FILIP1L: variants seen among roughly 807,000 people sequenced by gnomAD.
The protein encoded by FILIP1L is filamin A-interacting protein 1-like.
FILIP1L carries 55 observed loss-of-function variants against 96.6 expected under a neutral mutation model. That is an observed-to-expected ratio of 0.57 (90% CI 0.46 to 0.71). FILIP1L has a LOEUF of 0.71. Ranked by LOEUF, FILIP1L falls within the 30% of genes least tolerant of loss-of-function variation. The pLI is 0.00. For missense variants in FILIP1L, 1,304 were observed against 1,321.2 expected (o/e 0.99, Z 0.20); for synonymous variants, 467 against 473.9 (o/e 0.99, Z 0.19).
intron 1 of FILIP1L, among the ~76,000 whole-genome samples, chr3:99,971,485 T>G (rs1708820890): frequency 6.6e-6 from 1 of 152,220 alleles, no homozygotes; most frequent in Non-Finnish European, 1.5e-5. Context: ...GAAATACTGG[T>G]ATGGGACTCA....
chr3:99,870,497 AGTT>A (rs1273076421), intron 4 of FILIP1L, among the ~76,000 whole-genome samples: 1 of 152,158 alleles, frequency 6.6e-6, no homozygotes, highest in Non-Finnish European at 1.5e-5. Context: ...CCATAATTGA[AGTT>A]GTTGTCCAAG....
chr3:99,916,861 A>C (rs542341334), intron 4 of FILIP1L, among the ~76,000 whole-genome samples: 5 of 152,208 alleles, frequency 3.3e-5, no homozygotes, highest in Non-Finnish European at 7.3e-5. Flanking sequence ...GGCTGGCCAA[A>C]GCTGTTTGGC....
intron 4 of FILIP1L, among the ~76,000 whole-genome samples, chr3:99,857,382 G>A (rs1944017406): frequency 6.6e-6 from 1 of 152,168 alleles, no homozygotes; most frequent in South Asian, 2.1e-4. Context: ...GTATGTGCTT[G>A]CTTGTTTGAG....
intron 1 of FILIP1L, among the ~76,000 whole-genome samples, chr3:100,101,818 T>C (rs1328604999): frequency 1.3e-5 from 2 of 152,052 alleles, no homozygotes; most frequent in Non-Finnish European, 2.9e-5. Context: ...CCCCTTCCTG[T>C]GTCCATGTGT....
Position 99,850,157 on chromosome 3 carries a change from T to A in FILIP1L, c.1519A>T (p.Met507Leu). Residue 507 changes from methionine to leucine, a missense_variant, in exon 5 of 6, where the codon ATG (methionine) becomes TTG (leucine). Physicochemically the swap from Met to Leu is conservative, Grantham distance 15. Coordinates refer to ENST00000477258, the MANE Select transcript of FILIP1L (RefSeq NM_001387850.1). ...TVMFVDERKTMSEKLKKTEDK... is the reference protein window; with the variant it reads ...TVMFVDERKTLSEKLKKTEDK... ...TCAGTTTTCTTTAATTTTTCACTCA[T>A]TGTTTTCCGTTCATCTACAAACATC... The A allele has an allele frequency of 1.2e-6, 2 of 1,611,106 alleles. No homozygotes were observed. The highest frequency in any genetic ancestry group is 3.4e-5 in the Admixed American group (2 of 59,596).
intron 4 of FILIP1L, among the ~76,000 whole-genome samples, chr3:99,893,812 G>T (rs1458131270): frequency 6.6e-6 from 1 of 152,162 alleles, no homozygotes; most frequent in African/African-American, 2.4e-5. Flanking sequence ...CAAATATAGA[G>T]ATACTTAAAA....
chr3:99,915,440 G>T (rs1006561730), intron 4 of FILIP1L, among the ~76,000 whole-genome samples: 1 of 152,146 alleles, frequency 6.6e-6, no homozygotes, highest in African/African-American at 2.4e-5. Flanking sequence ...TGCAATTAGT[G>T]TGAGGATTTT....
chr3:99,897,913 A>C (rs1706310850), intron 4 of FILIP1L, among the ~76,000 whole-genome samples: 1 of 152,254 alleles, frequency 6.6e-6, no homozygotes, highest in African/African-American at 2.4e-5. Flanking sequence ...AGTTAAATGA[A>C]GTTTTCCATG....
At chr3:99,988,341 C>CAAAAAAAAAAAA (rs63321762) in intron 1 of FILIP1L, among the ~76,000 whole-genome samples, 2 of 62,300 alleles carry the variant, frequency 3.2e-5, no homozygotes, top group Non-Finnish European at 6.9e-5. Flanking sequence ...ACTAAAAATC[C>CAAAAAAAAAAAA]AAAAAAAAAA....
chr3:100,020,841 C>T (rs1343404698), intron 1 of FILIP1L, among the ~76,000 whole-genome samples: 2 of 133,514 alleles, frequency 1.5e-5, no homozygotes, highest in Non-Finnish European at 3.1e-5. Flanking sequence ...GATCTCAGCT[C>T]ACTGCAACCT....
At chr3:99,846,084 T>C (rs1943352120) in intron 5 of FILIP1L, among the ~76,000 whole-genome samples, 1 of 152,196 alleles carries the variant, frequency 6.6e-6, no homozygotes, top group Non-Finnish European at 1.5e-5. Context: ...GGTGGGCTGA[T>C]GAATAGCCCA....
intron 4 of FILIP1L, among the ~76,000 whole-genome samples, chr3:99,891,282 A>G (rs540683961): frequency 8.5e-4 from 129 of 152,024 alleles, no homozygotes; most frequent in Non-Finnish European, 1.6e-3. Context: ...CTGACAGTTT[A>G]GCTCTTTGAA....
intron 4 of FILIP1L, among the ~76,000 whole-genome samples, chr3:99,876,630 C>G (rs1303246616): frequency 3.3e-5 from 5 of 152,076 alleles, no homozygotes; most frequent in Non-Finnish European, 5.9e-5. Context: ...GGAGACATCT[C>G]TGGGGGTGAT....
chr3:99,834,245 T>C (rs1338709057), intron 5 of FILIP1L, among the ~76,000 whole-genome samples: 1 of 152,278 alleles, frequency 6.6e-6, no homozygotes, highest in African/African-American at 2.4e-5. Flanking sequence ...TGTTTGATTT[T>C]ATTAGCTCAT....
intron 3 of FILIP1L, among the ~76,000 whole-genome samples, 162 bp downstream of exon 3, chr3:99,929,694 T>C (rs138158224): frequency 6.8e-4 from 103 of 152,338 alleles, no homozygotes; most frequent in Non-Finnish European, 1.2e-3. Flanking sequence ...TCATTCTTTT[T>C]AACTTTCCTA....
intron 1 of FILIP1L, among the ~76,000 whole-genome samples, chr3:100,029,857 A>G (rs1427827949): frequency 4.6e-5 from 7 of 152,238 alleles, no homozygotes; most frequent in African/African-American, 9.6e-5. Context: ...GGAGATGTCA[A>G]CAGTCAAAAT....
At chr3:100,004,524 T>C (rs185284798) in intron 1 of FILIP1L, among the ~76,000 whole-genome samples, 1 of 152,308 alleles carries the variant, frequency 6.6e-6, no homozygotes, top group African/African-American at 2.4e-5. Context: ...CCATTAAATT[T>C]AGTTGCAGGT....
intron 4 of FILIP1L, among the ~76,000 whole-genome samples, chr3:99,916,796 A>C (rs1559686978): frequency 6.6e-6 from 1 of 152,134 alleles, no homozygotes; most frequent in Non-Finnish European, 1.5e-5. Context: ...CTCTTCCATA[A>C]GGCCTTTCTG....
At chr3:99,973,690 G>C (rs1708888443) in intron 1 of FILIP1L, among the ~76,000 whole-genome samples, 2 of 152,158 alleles carry the variant, frequency 1.3e-5, no homozygotes, top group Admixed American at 6.5e-5. Context: ...CTTCAAACTT[G>C]ATGAAAAATA....
Sources: allele counts gnomAD v4.1 joint callset (sites outside exome capture counted in the v4.1 genomes callset), GRCh38; gene constraint gnomAD v4.1.1; transcripts MANE v1.5; gene names NCBI Gene and HGNC (gene_info 2026-07-23, HGNC 2026-07-21).